The following TTC7A variants were observed in gnomAD, a reference collection of about 807,000 sequenced individuals.
TTC7A encodes tetratricopeptide repeat domain 7A, also known as tetratricopeptide repeat protein 7A.
TTC7A carries 110 observed loss-of-function variants against 103.7 expected under a neutral mutation model. The observed-to-expected ratio is 1.06, with a 90% confidence interval of 0.91 to 1.24. TTC7A has a LOEUF of 1.24. Ranked by LOEUF, TTC7A falls within the 50% of genes most tolerant of loss-of-function variation. TTC7A has a pLI of 0.00. For missense variants in TTC7A, 1,340 were observed against 1,116.3 expected (o/e 1.20, Z -2.86); for synonymous variants, 521 against 467.9 (o/e 1.11, Z -1.47).
At chr2:47,053,547 G>T (rs13383295) in intron 18 of TTC7A, among the ~76,000 whole-genome samples, 993 of 72,334 alleles carry the variant, frequency 0.014, 8 homozygotes, top group African/African-American at 0.065. Context: ...TGTTTGTTTG[G>T]TTGGTTGGTT....
At chr2:47,068,807 A>G (rs1426827655) in intron 19 of TTC7A, among the ~76,000 whole-genome samples, 1 of 149,640 alleles carries the variant, frequency 6.7e-6, no homozygotes, top group Non-Finnish European at 1.5e-5. Context: ...ATAGATTCAG[A>G]TCAGAATGAT....
In TTC7A at chr2:46,941,327, A is replaced by T. The variant is rs1670343904; in HGVS notation, c.-215A>T. 1.3e-5 allele frequency: 3 copies of T among 227,162 alleles called. No individual in the cohort carries two copies. The highest frequency in any genetic ancestry group is 2.4e-5 in the Non-Finnish European group (3 of 127,330). 14.1% of individuals were successfully genotyped at this position (227,162 alleles called of 1,614,324 possible). A position where few individuals can be genotyped will look rare whatever the true frequency, so the allele number is the denominator to read the frequency against. The stretch of plus-strand genomic sequence containing the variant: ...GTACGGGCCGCTCGGCCGGAGCCGC[A>T]GCCCGGAGGCGCCGGGCGGTGCGCT... On this transcript the variant is annotated 5_prime_UTR_variant, in exon 1 of 20. Transcript: ENST00000319190. The surrounding 1 kb of genome is among the most constrained non-coding windows in gnomAD (Gnocchi z 4.2).
At position 46,924,236 on chromosome 2, in the gene TTC7A, C is replaced by CA. The variant is rs754779483; in HGVS notation, c.82+6971dup. Among the ~76,000 whole-genome samples the CA allele has an allele frequency of 4.6e-4, 65 of 142,592 alleles. 1 individual carries two copies. Among genetic ancestry groups the CA allele is most frequent in the South Asian group, 8.9e-4 (4 of 4,494 alleles). 93.5% of individuals were successfully genotyped at this position (142,592 alleles called of 152,430 possible). A position where few individuals can be genotyped will look rare whatever the true frequency, so the allele number is the denominator to read the frequency against. On this transcript the variant is annotated intron_variant, in intron 2 of 20. Transcript: ENST00000409245. ...AAAAAAAAAACCCAACTAAAGGAAC[C>CA]AAAAAAAAAAAATCTCAAAGTCCCT...
chr2:47,038,465 C>T (rs1681376042), intron 15 of TTC7A, among the ~76,000 whole-genome samples: 2 of 152,164 alleles, frequency 1.3e-5, no homozygotes, highest in Admixed American at 1.3e-4. Context: ...GGCGTGGCCA[C>T]CTGACTCAGA....
chr2:46,923,631 C>T (rs965270230), intron 2 of TTC7A, among the ~76,000 whole-genome samples: 8 of 152,182 alleles, frequency 5.3e-5, no homozygotes, highest in African/African-American at 1.2e-4. Flanking sequence ...ATGGTTCATG[C>T]CTGTAATCCT....
chr2:47,003,209 T>C (rs996303081), intron 8 of TTC7A, among the ~76,000 whole-genome samples: 4 of 152,072 alleles, frequency 2.6e-5, no homozygotes, highest in Non-Finnish European at 5.9e-5. Context: ...TCAAGTTCTG[T>C]GCGTGAGGCT....
At chr2:47,068,942 A>C (rs1315478322) in intron 19 of TTC7A, among the ~76,000 whole-genome samples, 3 of 147,178 alleles carry the variant, frequency 2.0e-5, no homozygotes, top group Admixed American at 2.0e-4. Context: ...CTCCCTGTCC[A>C]GCAGCCCCCT....
intron 14 of TTC7A, among the ~76,000 whole-genome samples, chr2:47,029,014 A>T (rs964731408): frequency 9.2e-5 from 14 of 152,196 alleles, no homozygotes; most frequent in African/African-American, 3.1e-4. Context: ...CCACACCACA[A>T]ACCTGCTTCT....
At chr2:46,943,064 C>T (rs1412289063) in intron 1 of TTC7A, among the ~76,000 whole-genome samples, 1 of 152,094 alleles carries the variant, frequency 6.6e-6, no homozygotes, top group Non-Finnish European at 1.5e-5. Context: ...GGCTACCATG[C>T]CCGGCTAATT....
chr2:47,021,894 G>A lies in TTC7A; in HGVS notation c.1425G>A (p.Val475=). 1 of 1,614,160 alleles carries A rather than the reference G, an allele frequency of 6.2e-7. No homozygotes were observed. The highest frequency in any genetic ancestry group is 8.5e-7 in the Non-Finnish European group (1 of 1,179,996). The part of the protein sequence containing the change: ...LEEAEHFAMM[V]ISLGEEAGEF... ...AAGCAGAGCACTTTGCCATGATGGTGATCAGCCTCGGAGAGGAAGCCGGGG... is the reference window on the plus strand; with the variant it reads ...AAGCAGAGCACTTTGCCATGATGGTAATCAGCCTCGGAGAGGAAGCCGGGG... Residue 475 remains valine (V), a synonymous_variant, in exon 12 of 20, where the codon GTG becomes GTA. Coordinates refer to ENST00000319190, the MANE Select transcript of TTC7A (RefSeq NM_020458.4).
chr2:46,917,255 C>T (rs76192704), exon 2 of TTC7A: 20 of 699,314 alleles, frequency 2.9e-5, no homozygotes, highest in East Asian at 2.2e-4. Flanking sequence ...ACCTCCGCCT[C>T]CCAAAGTGCT....
intron 11 of TTC7A, among the ~76,000 whole-genome samples, chr2:47,014,564 A>T (rs1285030330): frequency 6.6e-6 from 1 of 151,922 alleles, no homozygotes; most frequent in Non-Finnish European, 1.5e-5. Flanking sequence ...TCAGCCCTGT[A>T]CTCTCTGTTC....
At chr2:47,022,740 G>T (rs1480114883) in intron 12 of TTC7A, among the ~76,000 whole-genome samples, 2 of 152,224 alleles carry the variant, frequency 1.3e-5, no homozygotes, top group Non-Finnish European at 2.9e-5. Context: ...GTCTGCACAT[G>T]CTGGTCAAGT....
chr2:47,026,774 C>T (rs1485507984), intron 14 of TTC7A, among the ~76,000 whole-genome samples: 1 of 152,194 alleles, frequency 6.6e-6, no homozygotes, highest in Non-Finnish European at 1.5e-5. Context: ...AGTGTCTCAT[C>T]TTCATGGACA....
intron 15 of TTC7A, among the ~76,000 whole-genome samples, chr2:47,034,891 C>G (rs907784328): frequency 1.3e-5 from 2 of 152,270 alleles, no homozygotes. Flanking sequence ...ATGGGCTTCC[C>G]GACAAGCCAG....
At chr2:46,956,693 A>T in intron 2 of TTC7A, 146 bp from the exon 3 acceptor site, 1 of 789,152 alleles carries the variant, frequency 1.3e-6, no homozygotes, top group Non-Finnish European at 2.1e-6. Context: ...AGCTGTCGGC[A>T]TGTGCTTGAG....
chr2:47,067,625 T>G (rs1684288493), intron 19 of TTC7A, among the ~76,000 whole-genome samples: 1 of 152,170 alleles, frequency 6.6e-6, no homozygotes, highest in South Asian at 2.1e-4. Flanking sequence ...GCCTTCAAGT[T>G]CATCTGACCT....
chr2:47,048,137 C>T (rs772836809), intron 16 of TTC7A, among the ~76,000 whole-genome samples: 4 of 152,210 alleles, frequency 2.6e-5, no homozygotes, highest in African/African-American at 9.6e-5. Context: ...CAGGCCCTGT[C>T]CAGATGCCCC....
intron 11 of TTC7A, among the ~76,000 whole-genome samples, chr2:47,011,912 C>A (rs1678100994): frequency 6.6e-6 from 1 of 152,256 alleles, no homozygotes; most frequent in African/African-American, 2.4e-5. Context: ...CCCTCCAGGG[C>A]CCTGCCCTGT....
Sources: gnomAD v4.1 joint callset for allele counts (sites outside exome capture counted in the v4.1 genomes callset) on GRCh38, gnomAD v4.1.1 for gene constraint, Gnocchi (gnomAD v3.1) non-coding constraint, MANE v1.5 for transcripts, NCBI Gene and HGNC (gene_info 2026-07-23, HGNC 2026-07-21) for gene names.